SPATA33: variants seen among roughly 807,000 people sequenced by gnomAD.
The protein encoded by SPATA33 is spermatogenesis-associated protein 33.
Under a neutral mutation model 8.9 loss-of-function variants are expected in SPATA33, and 10 were observed. That is an observed-to-expected ratio of 1.12 (90% CI 0.69 to 1.90). The LOEUF is 1.90. Ranked by LOEUF, SPATA33 falls within the 40% of genes most tolerant of loss-of-function variation. The pLI is 0.00. For missense variants in SPATA33, 241 were observed against 178.3 expected, an observed-to-expected ratio of 1.35 and a Z score of -2.00; for synonymous variants, 96 against 72.8, an observed-to-expected ratio of 1.32 and a Z score of -1.63.
intron 2 of SPATA33, among the ~76,000 whole-genome samples, chr16:89,664,620 G>A (rs1052645887): frequency 7.4e-5 from 11 of 148,600 alleles, no homozygotes; most frequent in African/African-American, 2.5e-4. Context: ...TTTAGGGCCC[G>A]ACCTGATCAG....
At chr16:89,667,309 G>C (rs961360853) in intron 2 of SPATA33, among the ~76,000 whole-genome samples, 1 of 152,092 alleles carries the variant, frequency 6.6e-6, no homozygotes, top group Non-Finnish European at 1.5e-5. Context: ...TCCTGTCTCT[G>C]TATGACCTGG....
At position 89,658,394 on chromosome 16, in the gene SPATA33, C is replaced by T. The variant is rs201432987; in HGVS notation, c.184C>T (p.His62Tyr). 1.1e-3 allele frequency: 1,844 copies of T among 1,611,170 alleles called. 37 individuals carry two copies. In the Admixed American group the frequency reaches 0.029, roughly 25 times the overall value. Residue 62 changes from histidine to tyrosine, a missense_variant, in exon 2 of 3, where the codon CAC (histidine) becomes TAC (tyrosine). Transcript: ENST00000579310. ...CCACCCGGGGGCCGGGACAGCCAAG[C>T]ACCCGCCGCCGGCAGCTTCGCTGGA... Reference protein sequence around the residue: ...SLHPGAGTAKHPPPAASLEEK... With the variant: ...SLHPGAGTAKYPPPAASLEEK...
Position 89,669,665 on chromosome 16 carries a change from G to C in SPATA33, c.*168G>C, listed in dbSNP as rs952121956. The C allele has an allele frequency of 1.0e-5, 7 of 670,000 alleles. No individual in the cohort carries two copies. The highest frequency in any genetic ancestry group is 9.3e-5 in the African/African-American group (5 of 53,966). The allele number at this position is 670,000 out of a possible 1,614,324, so 41.5% of individuals were successfully genotyped here. On this transcript the variant is annotated 3_prime_UTR_variant, in exon 3 of 3. Coordinates refer to ENST00000579310, the MANE Select transcript of SPATA33 (RefSeq NM_001271907.2). ...AGCCCCCTTCTCCAGTGCTTTCGGG[G>C]AGGGTGCACCAGGCCCGCCCCACCT...
intron 2 of SPATA33, chr16:89,661,396 G>A (rs976574814): frequency 2.2e-5 from 4 of 184,330 alleles, no homozygotes; most frequent in South Asian, 1.8e-4. Flanking sequence ...CTCTCTGCCT[G>A]CTGCCATCCA....
chr16:89,657,842 C>T lies in SPATA33; in HGVS notation c.-70C>T. ...GCTGGCGCGAGGACCTTTTGTGAGT[C>T]GCTCCCGGCTCCGCGGCCGCGGAGG... On this transcript the variant is annotated 5_prime_UTR_variant, in exon 1 of 3. Coordinates refer to ENST00000579310, the MANE Select transcript of SPATA33 (RefSeq NM_001271907.2). The T allele has an allele frequency of 6.6e-6, 10 of 1,510,354 alleles. No homozygotes were observed. The highest frequency in any genetic ancestry group is 2.1e-5 in the Admixed American group (1 of 46,786). The allele number at this position is 1,510,354 out of a possible 1,614,324, so 93.6% of individuals were successfully genotyped here.
Position 89,669,562 on chromosome 16 carries a change from C to T in SPATA33, c.*65C>T. ...GGCGTCTCGGGAACAGCCGCCTCAC[C>T]CTGTGAGAAGCCGAGGCCCCTTCTC... On this transcript the variant is annotated 3_prime_UTR_variant, in exon 3 of 3. Coordinates refer to ENST00000579310, the MANE Select transcript of SPATA33 (RefSeq NM_001271907.2). 7.2e-6 allele frequency: 11 copies of T among 1,536,900 alleles called. No individual in the cohort carries two copies. The highest frequency in any genetic ancestry group is 1.1e-5 in the South Asian group (1 of 88,204).
At position 89,658,640 on chromosome 16, in the gene SPATA33, G is replaced by A. The variant is rs769510681; in HGVS notation, c.211+219G>A. ...AATGAAAATGTAGGTCAGTTCCCGA[G>A]TGATAAGTGCGTACCAGGTGGTCGA... On this transcript the variant is annotated intron_variant, in intron 2 of 2. Transcript: ENST00000579310. 8.0e-5 allele frequency: 51 copies of A among 641,368 alleles called. No individual in the cohort carries two copies. In the East Asian group the frequency reaches 1.3e-3, roughly 16 times the overall value. The allele number at this position is 641,368 out of a possible 1,614,324, so 39.7% of individuals were successfully genotyped here.
At chr16:89,666,640 G>C (rs1014672490) in intron 2 of SPATA33, among the ~76,000 whole-genome samples, 1 of 152,148 alleles carries the variant, frequency 6.6e-6, no homozygotes, top group Non-Finnish European at 1.5e-5. Flanking sequence ...GCTGGGCCCG[G>C]GGGACCACTA....
At chr16:89,665,547 C>T (rs953893111) in intron 2 of SPATA33, among the ~76,000 whole-genome samples, 2 of 151,220 alleles carry the variant, frequency 1.3e-5, no homozygotes, top group African/African-American at 2.4e-5. Flanking sequence ...ATTTCCTGAC[C>T]TCGTGATCCG....
chr16:89,658,560 G>T, intron 2 of SPATA33, 139 bp downstream of exon 2: 1 of 1,175,536 alleles, frequency 8.5e-7, no homozygotes, highest in Middle Eastern at 3.0e-4. Context: ...GGTTTGTTTT[G>T]GGAACTTTAT....
chr16:89,662,886 C>T (rs752403667), intron 2 of SPATA33, among the ~76,000 whole-genome samples: 8 of 152,166 alleles, frequency 5.3e-5, no homozygotes, highest in Non-Finnish European at 8.8e-5. Flanking sequence ...TTCCGCCTCC[C>T]GGGTTCAAGC....
intron 2 of SPATA33, among the ~76,000 whole-genome samples, chr16:89,666,609 A>G (rs539981980): frequency 2.0e-4 from 30 of 152,256 alleles, no homozygotes; most frequent in African/African-American, 6.5e-4. Flanking sequence ...ATAAAGACAC[A>G]AGGCAAAGAG....
intron 2 of SPATA33, chr16:89,659,612 G>C (rs760826520): frequency 6.6e-6 from 1 of 152,202 alleles, no homozygotes; most frequent in Non-Finnish European, 1.5e-5. Context: ...ACCGGGACCC[G>C]GGAGGCAGAA....
chr16:89,658,404 C>T lies in SPATA33; in HGVS notation c.194C>T (p.Pro65Leu), dbSNP rs757264112. ...PGAGTAKHPP[P>L]AASLEEKPDV... ...GCCGGGACAGCCAAGCACCCGCCGCCGGCAGCTTCGCTGGAAGGTAGGAGA... is the reference window on the plus strand; with the variant it reads ...GCCGGGACAGCCAAGCACCCGCCGCTGGCAGCTTCGCTGGAAGGTAGGAGA... Residue 65 changes from proline (P) to leucine (L), a missense_variant, in exon 2 of 3, where the codon CCG becomes CTG. Physicochemically the swap from Pro to Leu is moderately conservative, Grantham distance 98 (BLOSUM62 -3). Transcript: ENST00000579310. 5.6e-6 allele frequency: 9 copies of T among 1,609,940 alleles called. No homozygotes were observed. The highest frequency in any genetic ancestry group is 7.6e-6 in the Non-Finnish European group (9 of 1,178,734).
chr16:89,669,276 T>C lies in SPATA33; in HGVS notation c.212-10T>C. On this transcript the variant is annotated splice_polypyrimidine_tract_variant and intron_variant, in intron 2 of 2. Transcript: ENST00000579310. Reference sequence around the variant, plus strand: ...ACATCTACTAAATGCCTGGATGTTTTTTCCTCTAGAGAAACCTGATGTAAA... The same window carrying C: ...ACATCTACTAAATGCCTGGATGTTTCTTCCTCTAGAGAAACCTGATGTAAA... 6.2e-7 allele frequency: 1 copy of C among 1,614,006 alleles called. No homozygotes were observed. The highest frequency in any genetic ancestry group is 8.5e-7 in the Non-Finnish European group (1 of 1,179,862).
At chr16:89,669,190 C>G in intron 2 of SPATA33, 96 bp from the exon 3 acceptor site, 1 of 1,173,632 alleles carries the variant, frequency 8.5e-7, no homozygotes. Context: ...AACCATACAT[C>G]TTAATTCCTT....
In SPATA33 at chr16:89,663,824, C is replaced by T. The variant is rs555801618; in HGVS notation, c.211+5403C>T. The stretch of plus-strand genomic sequence containing the variant: ...ATAATGGTACTATAGTTATATAAAA[C>T]GTTCGCTTTGGGAGCCAAGCACAGT... On this transcript the variant is annotated intron_variant, in intron 2 of 2. Transcript: ENST00000579310. Among the ~76,000 whole-genome samples, 12 of 152,236 alleles carry T rather than the reference C, an allele frequency of 7.9e-5. No homozygotes were observed. In the South Asian group the frequency reaches 1.5e-3, roughly 18 times the overall value.
In SPATA33 at chr16:89,669,461, T is replaced by G. The variant is rs187572270; in HGVS notation, c.387T>G (p.Ser129Arg). Residue 129 changes from serine (S) to arginine (R), a missense_variant, in exon 3 of 3, where the codon AGT becomes AGG. Physicochemically the swap from Ser to Arg is moderately radical, Grantham distance 110 (BLOSUM62 -1). Coordinates refer to ENST00000579310, the MANE Select transcript of SPATA33 (RefSeq NM_001271907.2). ...CCTACCGGCGGCACAGGAACCCCAG[T>G]ACAGCAGACGCCTATAATTCACATC... ...WGPYRRHRNP[S>R]TADAYNSHLK... The G allele has an allele frequency of 1.2e-5, 19 of 1,613,474 alleles. No homozygotes were observed. In the African/African-American group the frequency reaches 2.5e-4, roughly 22 times the overall value.
At chr16:89,669,152 A>C (rs896543992) in intron 2 of SPATA33, 134 bp from the exon 3 acceptor site, 6 of 756,514 alleles carry the variant, frequency 7.9e-6, no homozygotes, top group Admixed American at 2.3e-5. Flanking sequence ...AGTTTTGATC[A>C]CTTTTGGACT....
Sources: allele counts gnomAD v4.1 joint callset (sites outside exome capture counted in the v4.1 genomes callset), GRCh38; gene constraint gnomAD v4.1.1; transcripts MANE v1.5; gene names NCBI Gene and HGNC (gene_info 2026-07-23, HGNC 2026-07-21).